The following PAPPA2 variants were observed in gnomAD, a reference collection of about 807,000 sequenced individuals.
PAPPA2 encodes pappalysin-2.
Under a neutral mutation model 176.4 loss-of-function variants are expected in PAPPA2, and 86 were observed. The ratio of observed to expected loss-of-function variants is 0.49; its 90% CI spans 0.41 to 0.58. The LOEUF is 0.58. Among genes scored for constraint, PAPPA2 ranks in the 20% least tolerant of loss-of-function variants. The pLI is 0.00. For synonymous variants in PAPPA2, 809 were observed against 852.2 expected (o/e 0.95, Z 0.88); for missense variants, 2,073 against 2,256.9 (o/e 0.92, Z 1.65).
At position 176,771,111 on chromosome 1, in the gene PAPPA2, G is replaced by A. The variant is rs369620273; in HGVS notation, c.4646G>A (p.Gly1549Asp). 1 of 1,614,044 alleles carries A rather than the reference G, an allele frequency of 6.2e-7. No individual in the cohort carries two copies. Among genetic ancestry groups the A allele is most frequent in the African/African-American group, 1.3e-5 (1 of 74,922 alleles). ...PHCLQDNHDV[G>D]TICKYECKPG... The stretch of plus-strand genomic sequence containing the variant: ...TGCCTCCAGGACAACCACGACGTGG[G>A]CACCATCTGCAAATATGAATGCAAA... Residue 1549 changes from glycine (G) to aspartate (D), a missense_variant, in exon 17 of 23, where the codon GGC becomes GAC. By Grantham distance (94) the Gly-to-Asp change is moderately conservative. Transcript: ENST00000367662.
chr1:176,474,734 G>A (rs1652037145), intron 1 of PAPPA2, among the ~76,000 whole-genome samples: 1 of 152,168 alleles, frequency 6.6e-6, no homozygotes, highest in African/African-American at 2.4e-5. Flanking sequence ...CTTTAAATTT[G>A]TATAGTATAA....
chr1:176,634,978 G>T (rs183241369), intron 3 of PAPPA2, among the ~76,000 whole-genome samples: 3 of 149,602 alleles, frequency 2.0e-5, no homozygotes, highest in Non-Finnish European at 4.5e-5. Flanking sequence ...TAGATAGATA[G>T]ATAGATAGAT....
At chr1:176,625,900 G>T (rs1655979630) in intron 3 of PAPPA2, among the ~76,000 whole-genome samples, 1 of 152,104 alleles carries the variant, frequency 6.6e-6, no homozygotes, top group Admixed American at 6.5e-5. Context: ...GTGTGCACCT[G>T]TAGTCGAAGC....
At chr1:176,566,242 C>G (rs1334188741) in intron 2 of PAPPA2, among the ~76,000 whole-genome samples, 1 of 152,088 alleles carries the variant, frequency 6.6e-6, no homozygotes, top group Admixed American at 6.5e-5. Flanking sequence ...AGATCTGGGC[C>G]TTTGGGGTCA....
At chr1:176,688,790 CT>C (rs1243018537) in intron 4 of PAPPA2, among the ~76,000 whole-genome samples, 2 of 152,138 alleles carry the variant, frequency 1.3e-5, no homozygotes, top group East Asian at 3.9e-4. Context: ...ACTGAGCTGC[CT>C]ATTAGATAGG....
At chr1:176,536,374 C>G (rs1338749340) in intron 1 of PAPPA2, among the ~76,000 whole-genome samples, 1 of 152,130 alleles carries the variant, frequency 6.6e-6, no homozygotes, top group Non-Finnish European at 1.5e-5. Flanking sequence ...TATCTGTTGC[C>G]ACAATCATGC....
intron 1 of PAPPA2, among the ~76,000 whole-genome samples, chr1:176,474,768 A>G (rs1652038598): frequency 6.6e-6 from 1 of 152,204 alleles, no homozygotes. Flanking sequence ...AGGCTACCAG[A>G]AAATATGATT....
At chr1:176,802,772 A>G (rs985569987) in intron 21 of PAPPA2, among the ~76,000 whole-genome samples, 1 of 152,174 alleles carries the variant, frequency 6.6e-6, no homozygotes, top group Non-Finnish European at 1.5e-5. Flanking sequence ...TCCTCAGCCC[A>G]TATTGCCCTT....
intron 17 of PAPPA2, among the ~76,000 whole-genome samples, chr1:176,775,439 A>G (rs1412905638): frequency 6.6e-6 from 1 of 152,166 alleles, no homozygotes; most frequent in East Asian, 1.9e-4. Flanking sequence ...TTTTTCTAAC[A>G]ATTATCTCAA....
Position 176,699,187 on chromosome 1 carries a change from C to G in PAPPA2, c.2834C>G (p.Pro945Arg), listed in dbSNP as rs766995163. The G allele has an allele frequency of 4.3e-6, 7 of 1,614,010 alleles. No homozygotes were observed. The South Asian group carries it at 7.7e-5, about 18-fold the overall frequency. Residue 945 changes from proline (P) to arginine (R), a missense_variant, in exon 8 of 23, where the codon CCC (proline) becomes CGC (arginine). Coordinates refer to ENST00000367662, the MANE Select transcript of PAPPA2 (RefSeq NM_020318.3). ...CTGTACCACATGAACATGACGGTCC[C>G]CTGCCCCACAGAAGGCTGTAGCTTG... ...VHLYHMNMTV[P>R]CPTEGCSLEL...
At chr1:176,831,334 C>T (rs1387443395) in intron 21 of PAPPA2, among the ~76,000 whole-genome samples, 1 of 152,194 alleles carries the variant, frequency 6.6e-6, no homozygotes, top group African/African-American at 2.4e-5. Context: ...TCAGGAATGG[C>T]TCAGGCTGCA....
chr1:176,749,487 CTCAG>C (rs954360150), intron 14 of PAPPA2, among the ~76,000 whole-genome samples: 1 of 152,192 alleles, frequency 6.6e-6, no homozygotes, highest in African/African-American at 2.4e-5. Flanking sequence ...AGAATTCACT[CTCAG>C]TGTTTGTTGT....
chr1:176,761,477 T>C (rs1663698392), intron 14 of PAPPA2, among the ~76,000 whole-genome samples: 2 of 152,188 alleles, frequency 1.3e-5, no homozygotes. Flanking sequence ...GGGCAGGACA[T>C]CGTGCAGACA....
intron 17 of PAPPA2, among the ~76,000 whole-genome samples, chr1:176,771,929 A>T (rs1664248038): frequency 6.6e-6 from 1 of 152,164 alleles, no homozygotes; most frequent in Admixed American, 6.5e-5. Flanking sequence ...CAAGTTACTT[A>T]ACTCTTTGGG....
intron 12 of PAPPA2, among the ~76,000 whole-genome samples, chr1:176,736,245 A>G (rs1662403629): frequency 6.6e-6 from 1 of 151,998 alleles, no homozygotes; most frequent in Non-Finnish European, 1.5e-5. Context: ...CCTACTGTCA[A>G]ACTGTCTTCC....
At chr1:176,566,780 A>T (rs1365699049) in intron 2 of PAPPA2, among the ~76,000 whole-genome samples, 2 of 152,124 alleles carry the variant, frequency 1.3e-5, no homozygotes, top group African/African-American at 4.8e-5. Context: ...TGGGCTGACC[A>T]TGTGATTCAC....
chr1:176,632,183 G>A (rs903536488), intron 3 of PAPPA2, among the ~76,000 whole-genome samples: 1 of 151,658 alleles, frequency 6.6e-6, no homozygotes, highest in Non-Finnish European at 1.5e-5. Context: ...GGATTGCTAG[G>A]CAGAAATGAA....
At chr1:176,841,445 C>T (rs1388114139) in intron 22 of PAPPA2, among the ~76,000 whole-genome samples, 2 of 152,056 alleles carry the variant, frequency 1.3e-5, no homozygotes, top group Non-Finnish European at 2.9e-5. Flanking sequence ...ACCCATTCTC[C>T]TACCCACTTG....
At chr1:176,690,523 G>T in intron 5 of PAPPA2, 93 bp downstream of exon 5, 1 of 1,538,924 alleles carries the variant, frequency 6.5e-7, no homozygotes. Context: ...ATGGGAGAAT[G>T]ATTAAGTGGT....
Sources: gnomAD v4.1 joint callset for allele counts (sites outside exome capture counted in the v4.1 genomes callset) on GRCh38, gnomAD v4.1.1 for gene constraint, MANE v1.5 for transcripts, NCBI Gene and HGNC (gene_info 2026-07-23, HGNC 2026-07-21) for gene names.